The following ARHGEF10 variants were observed in gnomAD, a reference collection of about 807,000 sequenced individuals.
ARHGEF10 encodes Rho guanine nucleotide exchange factor (GEF) 10.
A neutral mutation model predicts 147.4 loss-of-function variants in ARHGEF10; 140 were observed. The observed-to-expected ratio is 0.95, with a 90% CI of 0.83 to 1.09. ARHGEF10 has a LOEUF of 1.09. Among genes scored for constraint, ARHGEF10 ranks in the 50% least tolerant of loss-of-function variants. The pLI, the probability that ARHGEF10 is intolerant of heterozygous loss-of-function variation, is 0.00. For missense variants in ARHGEF10, 2,222 were observed against 1,752.7 expected (o/e 1.27, Z -4.78); for synonymous variants, 902 against 695.8 (o/e 1.30, Z -4.67).
At chr8:1,829,966 T>G (rs531278100) in intron 1 of ARHGEF10, among the ~76,000 whole-genome samples, 1 of 151,944 alleles carries the variant, frequency 6.6e-6, no homozygotes, top group African/African-American at 2.4e-5. Context: ...GGGGAGCGAG[T>G]CATAGGTAGC....
At chr8:1,901,797 T>C (rs1216005031) in intron 15 of ARHGEF10, among the ~76,000 whole-genome samples, 2 of 152,178 alleles carry the variant, frequency 1.3e-5, no homozygotes, top group African/African-American at 2.4e-5. Flanking sequence ...ATAGAATTCG[T>C]TGTGACTCAT....
chr8:1,917,781 T>C (rs562479522), intron 18 of ARHGEF10, among the ~76,000 whole-genome samples: 2 of 152,036 alleles, frequency 1.3e-5, no homozygotes. Context: ...TTTCTTTTCT[T>C]TTCTTTTTTT....
chr8:1,896,916 G>C (rs989293773), intron 14 of ARHGEF10, among the ~76,000 whole-genome samples: 1 of 152,204 alleles, frequency 6.6e-6, no homozygotes, highest in Non-Finnish European at 1.5e-5. Context: ...CCTTCCTCAG[G>C]GGTCTCTGAC....
rs534301007 is a variant in ARHGEF10 at position 1,947,420 on chromosome 8, C to T, written c.3397+1765C>T. The stretch of plus-strand genomic sequence containing the variant: ...CCCTGCAGGATCCTTGGTGTTTATC[C>T]CTCTCCGGGTGGGATCAGAAAGAAA... On this transcript the variant is annotated intron_variant, in intron 27 of 28. Coordinates refer to ENST00000349830, the MANE Select transcript of ARHGEF10 (RefSeq NM_014629.4). Among the ~76,000 whole-genome samples the T allele has an allele frequency of 2.0e-5, 3 of 152,294 alleles. No individual in the cohort carries two copies. In the South Asian group the frequency reaches 6.2e-4, roughly 32 times the overall value.
At position 1,937,951 on chromosome 8, in the gene ARHGEF10, C is replaced by T. The variant is rs570325075; in HGVS notation, c.3222+4009C>T. 1.8e-4 allele frequency among the ~76,000 whole-genome samples: 27 copies of T among 152,310 alleles called. No homozygotes were observed. The highest frequency in any genetic ancestry group is 6.0e-4 in the African/African-American group (25 of 41,562). On this transcript the variant is annotated intron_variant, in intron 26 of 28. Transcript: ENST00000349830. This position sits in a 1 kb window ranked among gnomAD's most constrained non-coding sequence, Gnocchi z 4.9. ...GCATACCGGTGGGGGTGGCTGGCCC[C>T]GTCCCAGCTCTGGCGCCATAACAAA...
At chr8:1,896,865 G>A (rs894714342) in intron 14 of ARHGEF10, among the ~76,000 whole-genome samples, 5 of 152,304 alleles carry the variant, frequency 3.3e-5, no homozygotes, top group East Asian at 3.9e-4. Context: ...CGAGGGGGAC[G>A]CAGGCTGTGT....
At chr8:1,890,590 A>G (rs927267881) in intron 11 of ARHGEF10, among the ~76,000 whole-genome samples, 1 of 137,216 alleles carries the variant, frequency 7.3e-6, no homozygotes, top group Non-Finnish European at 1.6e-5. Context: ...AGGGTCTGTG[A>G]GGAGACACTG....
At chr8:1,828,092 C>T (rs551160649) in intron 1 of ARHGEF10, among the ~76,000 whole-genome samples, 4 of 152,326 alleles carry the variant, frequency 2.6e-5, no homozygotes, top group African/African-American at 9.6e-5. Flanking sequence ...GGTTGTGGTA[C>T]CTCAACACTC....
chr8:1,891,316 G>A (rs567119103), intron 11 of ARHGEF10, among the ~76,000 whole-genome samples: 13 of 152,174 alleles, frequency 8.5e-5, no homozygotes, highest in East Asian at 7.7e-4. Flanking sequence ...GGGTATTGAT[G>A]CTCTTTAATT....
intron 1 of ARHGEF10, among the ~76,000 whole-genome samples, chr8:1,829,257 TG>T (rs528394743): frequency 7.0e-4 from 106 of 152,358 alleles, no homozygotes; most frequent in African/African-American, 2.5e-3. Context: ...GTATGTTTTG[TG>T]TGAGAAGCGC....
At chr8:1,897,603 A>T (rs995343752) in intron 14 of ARHGEF10, among the ~76,000 whole-genome samples, 2 of 151,448 alleles carry the variant, frequency 1.3e-5, no homozygotes, top group East Asian at 3.9e-4. Flanking sequence ...CACTCTCGAC[A>T]GTTGTGGGCT....
intron 26 of ARHGEF10, among the ~76,000 whole-genome samples, chr8:1,941,257 G>T (rs1233120745): frequency 1.3e-5 from 2 of 152,206 alleles, no homozygotes. Context: ...AACAGGTTGA[G>T]CAAGGTTACA....
At chr8:1,889,905 ACTT>A in intron 11 of ARHGEF10, among the ~76,000 whole-genome samples, 1 of 107,050 alleles carries the variant, frequency 9.3e-6, no homozygotes, top group African/African-American at 4.1e-5. Context: ...CATGGGGTGA[ACTT>A]TGTTAGGAGG....
intron 27 of ARHGEF10, among the ~76,000 whole-genome samples, chr8:1,947,076 T>C (rs1200078106): frequency 6.6e-6 from 1 of 152,222 alleles, no homozygotes; most frequent in Non-Finnish European, 1.5e-5. Flanking sequence ...TGTGTTTTCT[T>C]TGGAGCACTC....
intron 1 of ARHGEF10, among the ~76,000 whole-genome samples, chr8:1,833,059 GAGAC>G (rs1803320089): frequency 4.5e-5 from 1 of 22,418 alleles, no homozygotes; most frequent in Non-Finnish European, 1.0e-4. Flanking sequence ...GAGGCAGAGA[GAGAC>G]AGAGACAGAG....
chr8:1,881,287 T>C (rs1266986915), intron 9 of ARHGEF10, among the ~76,000 whole-genome samples: 1 of 147,502 alleles, frequency 6.8e-6, no homozygotes, highest in Middle Eastern at 3.2e-3. Context: ...GCTCTGGGGC[T>C]CAGGGAGCAT....
rs932248371 is a variant in ARHGEF10 at position 1,850,484 on chromosome 8, C to T, written c.37+7048C>T. On this transcript the variant is annotated intron_variant, in intron 2 of 28. Transcript: ENST00000349830. ...ACCGCGTGGGCATGGACGGCAAGTG[C>T]GGAAGACGGCATGGGCCACCCGCGT... 2.7e-5 allele frequency among the ~76,000 whole-genome samples: 4 copies of T among 150,254 alleles called. No individual in the cohort carries two copies. The South Asian group carries it at 8.5e-4, about 32-fold the overall frequency.
chr8:1,836,510 AAGACAGGCTCT>A (rs371510183), intron 1 of ARHGEF10, among the ~76,000 whole-genome samples: 2 of 152,146 alleles, frequency 1.3e-5, no homozygotes, highest in African/African-American at 4.8e-5. Context: ...CTGCACACAG[AAGACAGGCTCT>A]AGACCCCCGG....
intron 1 of ARHGEF10, among the ~76,000 whole-genome samples, chr8:1,833,614 C>G (rs1419577270): frequency 6.6e-6 from 1 of 152,232 alleles, no homozygotes; most frequent in Non-Finnish European, 1.5e-5. Flanking sequence ...TCACCATGCT[C>G]TCTGGTCTCT....
Sources: gnomAD v4.1 joint callset for allele counts (sites outside exome capture counted in the v4.1 genomes callset) on GRCh38, gnomAD v4.1.1 for gene constraint, Gnocchi (gnomAD v3.1) non-coding constraint, MANE v1.5 for transcripts, NCBI Gene and HGNC (gene_info 2026-07-23, HGNC 2026-07-21) for gene names.